Variants in MTA1 observed in about 807,000 individuals in gnomAD.
MTA1 encodes the protein metastasis-associated protein MTA1.
MTA1 carries 15 observed loss-of-function variants against 97.0 expected under a neutral mutation model. The observed-to-expected ratio is 0.15, with a 90% CI of 0.10 to 0.24. The LOEUF is 0.24. MTA1 is among the 10% of genes least tolerant of loss of function. The pLI is 1.00. For missense variants in MTA1, 709 were observed against 1,015.1 expected, an observed-to-expected ratio of 0.70 and a Z score of 4.10; for synonymous variants, 435 against 417.5, an observed-to-expected ratio of 1.04 and a Z score of -0.51.
rs587600129 is a variant in MTA1, at chr14:105,463,243, C to T, written c.1002C>T (p.Asp334=). ...ACTACTACATGTGGAAGACCACCGA[C>T]AGATACGTGCAGCAGGTGAGCCCGC... The part of the protein sequence containing the change: ...IEYYYMWKTT[D]RYVQQKRLKA... Residue 334 remains aspartate, a synonymous_variant, in exon 11 of 21, where the codon GAC becomes GAT. Transcript: ENST00000331320. This position sits in a 1 kb window ranked among gnomAD's most constrained non-coding sequence, Gnocchi z 5.9. 3.1e-6 allele frequency: 5 copies of T among 1,610,668 alleles called. No homozygotes were observed. The South Asian group carries it at 4.4e-5, about 14-fold the overall frequency.
chr14:105,466,424 A>AGTGGGGGGGGGGG lies in MTA1; in HGVS notation c.1625-1_1625insTGGGGGGGGGGGG. Reference sequence around the variant, plus strand: ...TCGTTCTGCCTGTGTCATTCCCGGCAGAGACCCACCCCCGCCCCCCCAAGC... The same window carrying AGTGGGGGGGGGGG: ...TCGTTCTGCCTGTGTCATTCCCGGCAGTGGGGGGGGGGGGAGACCCACCCCCGCCCCCCCAAGC... On this transcript the variant is annotated splice_acceptor_variant, in intron 16 of 20. Transcript: ENST00000331320. LOFTEE classifies it high-confidence loss of function. 6.5e-7 allele frequency: 1 copy of AGTGGGGGGGGGGG among 1,550,344 alleles called. No homozygotes were observed. The highest frequency in any genetic ancestry group is 8.8e-7 in the Non-Finnish European group (1 of 1,132,596).
rs1012251507 is a variant in MTA1 at position 105,463,741 on chromosome 14, C to T, written c.1076+190C>T. The T allele has an allele frequency of 3.2e-6, 2 of 629,378 alleles. No individual in the cohort carries two copies. The highest frequency in any genetic ancestry group is 5.6e-6 in the Non-Finnish European group (2 of 359,702). The allele number at this position is 629,378 out of a possible 1,614,324, so 39.0% of individuals were successfully genotyped here. On this transcript the variant is annotated intron_variant, in intron 12 of 20. Coordinates refer to ENST00000331320, the MANE Select transcript of MTA1 (RefSeq NM_004689.4). This position sits in a 1 kb window ranked among gnomAD's most constrained non-coding sequence, Gnocchi z 5.9. ...GACGCAGTGGCCATGTCTCTGTCGTCCTGGCCTCCTGGTCAGTAAGGGGGC... is the reference window on the plus strand; with the variant it reads ...GACGCAGTGGCCATGTCTCTGTCGTTCTGGCCTCCTGGTCAGTAAGGGGGC...
At chr14:105,468,134 G>A in intron 18 of MTA1, 1 of 395,474 alleles carries the variant, frequency 2.5e-6, no homozygotes, top group Non-Finnish European at 5.0e-6. Flanking sequence ...ACGAGGTGGG[G>A]TCTCTGTCCA....
chr14:105,429,692 A>G (rs1302562229), intron 1 of MTA1, among the ~76,000 whole-genome samples: 1 of 142,172 alleles, frequency 7.0e-6, no homozygotes, highest in Non-Finnish European at 1.5e-5. Flanking sequence ...TGACCTTGTG[A>G]TCCACCTGCC....
At chr14:105,441,691 G>A (rs1220174043) in intron 2 of MTA1, among the ~76,000 whole-genome samples, 5 of 152,192 alleles carry the variant, frequency 3.3e-5, no homozygotes, top group Non-Finnish European at 5.9e-5. Flanking sequence ...CTACTCGGGA[G>A]GCTGAGGCAG....
intron 1 of MTA1, among the ~76,000 whole-genome samples, chr14:105,432,505 C>T (rs1159264624): frequency 6.6e-6 from 1 of 152,178 alleles, no homozygotes; most frequent in Non-Finnish European, 1.5e-5. Context: ...TCCCAAAGTG[C>T]TGGGATTACA....
chr14:105,449,396 C>G lies in MTA1; in HGVS notation c.228C>G (p.Asp76Glu), dbSNP rs781958975. Residue 76 changes from aspartate (D) to glutamate (E), a missense_variant, in exon 4 of 21, where the codon GAC becomes GAG. Asp to Glu is a conservative substitution (Grantham distance 45). This residue lies in a region of MTA1 where 321 missense variants were observed against 593.5 expected (regional missense o/e 0.54). Coordinates refer to ENST00000331320, the MANE Select transcript of MTA1 (RefSeq NM_004689.4). ...GCTATAAGGCCGGACCGGGGGCGGA[C>G]AACGGCGAGGAAGGTAAGAGCCGGC... ...SVCYKAGPGA[D>E]NGEEGEIEEE... 1.2e-6 allele frequency: 2 copies of G among 1,612,150 alleles called. No homozygotes were observed. Among genetic ancestry groups the G allele is most frequent in the Non-Finnish European group, 8.5e-7 (1 of 1,179,288 alleles).
At chr14:105,425,441 A>G (rs2081978355) in intron 1 of MTA1, among the ~76,000 whole-genome samples, 1 of 151,928 alleles carries the variant, frequency 6.6e-6, no homozygotes, top group Non-Finnish European at 1.5e-5. Flanking sequence ...ATACCCAGCT[A>G]ATTTTAAGAT....
At chr14:105,446,534 TGAGG>T (rs2082724443) in intron 3 of MTA1, among the ~76,000 whole-genome samples, 1 of 151,868 alleles carries the variant, frequency 6.6e-6, no homozygotes, top group Non-Finnish European at 1.5e-5. Flanking sequence ...GCGCTGTGGG[TGAGG>T]GGCAGGAAGT....
In MTA1 at chr14:105,454,377, T is replaced by G. The variant is rs587599842; in HGVS notation, c.550+67T>G. 112 of 1,152,326 alleles carry G rather than the reference T, an allele frequency of 9.7e-5. 2 individuals carry two copies. In the South Asian group the frequency reaches 1.2e-3, roughly 12 times the overall value. 71.4% of individuals were successfully genotyped at this position (1,152,326 alleles called of 1,614,324 possible). ...CTGTCCTGCCGGGTGACACACTGGG[T>G]GAGAGGAGGCTGGGACATGGCCGTG... On this transcript the variant is annotated intron_variant, in intron 7 of 20. Coordinates refer to ENST00000331320, the MANE Select transcript of MTA1 (RefSeq NM_004689.4).
At chr14:105,445,281 C>T in intron 2 of MTA1, 137 bp from the exon 3 acceptor site, 2 of 697,330 alleles carry the variant, frequency 2.9e-6, no homozygotes, top group Non-Finnish European at 4.9e-6. Flanking sequence ...TGTGAAGTGC[C>T]CTCCTGGAGT....
chr14:105,454,095 C>T (rs2141606494), intron 6 of MTA1, 98 bp from the exon 7 acceptor site: 1 of 882,850 alleles, frequency 1.1e-6, no homozygotes, highest in Non-Finnish European at 1.8e-6. Flanking sequence ...GAGCTCTGGG[C>T]AAGACCCTCC....
chr14:105,455,465 C>T (rs1235643722), intron 7 of MTA1, among the ~76,000 whole-genome samples: 2 of 152,234 alleles, frequency 1.3e-5, no homozygotes, highest in South Asian at 2.1e-4. Flanking sequence ...AGGCTGCCCT[C>T]GAGACGCAGG....
chr14:105,466,427 G>GGGCGCCGCGC lies in MTA1; in HGVS notation c.1626_1627insGGCGCCGCGC (p.Thr543GlyfsTer12). The GGGCGCCGCGC allele has an allele frequency of 6.3e-7, 1 of 1,592,108 alleles. No homozygotes were observed. Among genetic ancestry groups the GGGCGCCGCGC allele is most frequent in the Non-Finnish European group, 8.6e-7 (1 of 1,165,322 alleles). On this transcript the variant is annotated frameshift_variant and splice_region_variant, in exon 17 of 21. Transcript: ENST00000331320. LOFTEE classifies it high-confidence loss of function. ...TTCTGCCTGTGTCATTCCCGGCAGA[G>GGGCGCCGCGC]ACCCACCCCCGCCCCCCCAAGCCTG... is the stretch of plus-strand genomic sequence containing the variant.
In MTA1 at chr14:105,466,529, C is replaced by A; in HGVS notation, c.1728C>A (p.Ser576=). 1 of 1,588,498 alleles carries A rather than the reference C, an allele frequency of 6.3e-7. No homozygotes were observed. ...AKVAPVINNG[S]PTILGKRSYE... The stretch of plus-strand genomic sequence containing the variant: ...TGGCCCCCGTCATCAACAACGGCTC[C>A]CCCACCATCCTGGGCAAGCGCAGCT... The change falls in exon 17 of 21, where the codon TCC becomes TCA. Residue 576 remains serine, a synonymous_variant. Coordinates refer to ENST00000331320, the MANE Select transcript of MTA1 (RefSeq NM_004689.4).
chr14:105,469,760 A>AGCACCTTGGCTGGTG lies in MTA1; in HGVS notation c.1846-75_1846-74insTGGCTGGTGGCACCT, dbSNP rs2083755062. On this transcript the variant is annotated intron_variant, in intron 19 of 20. Transcript: ENST00000331320. The stretch of plus-strand genomic sequence containing the variant: ...GGGTGGTGGGGGGTTGGCCAGGCAC[A>AGCACCTTGGCTGGTG]GCACCTCCCAGCGGGAGCCCTGCAG... The AGCACCTTGGCTGGTG allele has an allele frequency of 5.0e-6, 7 of 1,390,354 alleles. No individual in the cohort carries two copies. The South Asian group carries it at 5.3e-5, about 10-fold the overall frequency. 86.1% of individuals were successfully genotyped at this position (1,390,354 alleles called of 1,614,324 possible).
Position 105,450,055 on chromosome 14 carries a change from CA to C in MTA1, c.242-2del. On this transcript the variant is annotated splice_acceptor_variant, in intron 4 of 20. Coordinates refer to ENST00000331320, the MANE Select transcript of MTA1 (RefSeq NM_004689.4). LOFTEE classifies it high-confidence loss of function. Reference sequence around the variant, plus strand: ...GTGCTGACAGGGGCTCCTTGTCCTTCAGGGGAAATAGAAGAGGAAATGGAGA... The same window carrying C: ...GTGCTGACAGGGGCTCCTTGTCCTTCGGGGAAATAGAAGAGGAAATGGAGA... 3.1e-6 allele frequency: 5 copies of C among 1,613,496 alleles called. No individual in the cohort carries two copies. The highest frequency in any genetic ancestry group is 4.2e-6 in the Non-Finnish European group (5 of 1,179,868).
At chr14:105,426,501 C>T (rs1404350131) in intron 1 of MTA1, among the ~76,000 whole-genome samples, 5 of 152,122 alleles carry the variant, frequency 3.3e-5, no homozygotes, top group African/African-American at 7.2e-5. Flanking sequence ...AAGGGCGCAG[C>T]GCACGTGGGG....
intron 18 of MTA1, 153 bp downstream of exon 18, chr14:105,466,895 G>C: frequency 1.3e-6 from 1 of 751,910 alleles, no homozygotes; most frequent in East Asian, 2.8e-5. Context: ...CATTCCTCCC[G>C]ACATCACTGG....
Sources: gnomAD v4.1 joint callset for allele counts (sites outside exome capture counted in the v4.1 genomes callset) on GRCh38, gnomAD v4.1.1 for gene constraint, gnomAD v4.1.1 regional missense constraint, Gnocchi (gnomAD v3.1) non-coding constraint, MANE v1.5 for transcripts, NCBI Gene and HGNC (gene_info 2026-07-23, HGNC 2026-07-21) for gene names.